Variants in SCAF11 observed in about 807,000 individuals in gnomAD.
SCAF11 encodes the protein SR-related CTD associated factor 11.
A neutral mutation model predicts 140.5 loss-of-function variants in SCAF11; 47 were observed. That is an observed-to-expected ratio of 0.33 (90% CI 0.26 to 0.43). The LOEUF (loss-of-function observed/expected upper bound fraction) is 0.43. Ranked by LOEUF, SCAF11 falls within the 20% of genes least tolerant of loss-of-function variation. SCAF11 has a pLI of 1.00. For missense variants in SCAF11, 1,645 were observed against 1,705.1 expected, an observed-to-expected ratio of 0.96 and a Z score of 0.62; for synonymous variants, 557 against 579.4, an observed-to-expected ratio of 0.96 and a Z score of 0.55.
intron 1 of SCAF11, among the ~76,000 whole-genome samples, chr12:45,972,941 T>G (rs868315376): frequency 5.5e-5 from 6 of 108,574 alleles, no homozygotes; most frequent in African/African-American, 2.1e-4. Flanking sequence ...TATATATAGA[T>G]ATATATATAG....
intron 5 of SCAF11, 94 bp from the exon 6 acceptor site, chr12:45,945,407 C>G: frequency 1.4e-6 from 1 of 717,340 alleles, no homozygotes; most frequent in African/African-American, 1.8e-5. Flanking sequence ...AAAATGAAAT[C>G]TATCATGCAC....
At chr12:45,922,262 T>G (rs935930370) in intron 14 of SCAF11, 68 bp from the exon 15 acceptor site, 1 of 1,524,356 alleles carries the variant, frequency 6.6e-7, no homozygotes, top group Non-Finnish European at 8.8e-7. Flanking sequence ...AATAGAAAGC[T>G]TTGTGAAAAA....
intron 1 of SCAF11, among the ~76,000 whole-genome samples, chr12:45,972,849 T>C (rs1946109127): frequency 7.8e-6 from 1 of 128,510 alleles, no homozygotes; most frequent in Non-Finnish European, 1.6e-5. Flanking sequence ...TTAAAGCCAG[T>C]ATATATATAT....
intron 1 of SCAF11, among the ~76,000 whole-genome samples, chr12:45,986,854 GC>G (rs1946470722): frequency 1.3e-5 from 2 of 151,882 alleles, no homozygotes; most frequent in African/African-American, 4.8e-5. Context: ...TGTAAGAAGT[GC>G]CCTTCTCCTC....
intron 10 of SCAF11, among the ~76,000 whole-genome samples, chr12:45,930,451 T>A (rs998090815): frequency 6.7e-6 from 1 of 148,922 alleles, no homozygotes; most frequent in Admixed American, 6.9e-5. Context: ...TTTTGTTTTT[T>A]TTTTGTTTTT....
At chr12:45,990,718 G>T, upstream of SCAF11, 1 of 607,024 alleles carries the variant, frequency 1.6e-6, no homozygotes. Context: ...GCTCGCTCTG[G>T]CCCTGAGTGC....
In SCAF11 at chr12:45,950,202, A is replaced by G. The variant is rs547698500; in HGVS notation, c.297+1448T>C. ...TAGTGTTTGTAAAATAAGATAATAG[A>G]GGTAAATGTTCTATGGGAACTGAAA... On this transcript the variant is annotated intron_variant, in intron 4 of 14. Coordinates refer to ENST00000369367, the MANE Select transcript of SCAF11 (RefSeq NM_004719.3). Among the ~76,000 whole-genome samples, 4 of 152,248 alleles carry G rather than the reference A, an allele frequency of 2.6e-5. No individual in the cohort carries two copies. The South Asian group carries it at 8.3e-4, about 32-fold the overall frequency.
chr12:45,977,710 A>G (rs912778546), intron 1 of SCAF11, among the ~76,000 whole-genome samples: 4 of 152,140 alleles, frequency 2.6e-5, no homozygotes, highest in African/African-American at 7.2e-5. Context: ...TCCAATTCTT[A>G]TAACTACTGC....
chr12:45,920,247 A>G lies in SCAF11; in HGVS notation c.*1801T>C, dbSNP rs1944675507. ...TATGAACTAGCACAATCATTATGGGACCAACATTTCAAAATATTTTGCCTA... is the reference window on the plus strand; with the variant it reads ...TATGAACTAGCACAATCATTATGGGGCCAACATTTCAAAATATTTTGCCTA... On this transcript the variant is annotated 3_prime_UTR_variant, in exon 15 of 15. Coordinates refer to ENST00000369367, the MANE Select transcript of SCAF11 (RefSeq NM_004719.3). The G allele has an allele frequency of 6.6e-6, 1 of 152,212 alleles. No individual in the cohort carries two copies. The highest frequency in any genetic ancestry group is 1.5e-5 in the Non-Finnish European group (1 of 68,026). 9.4% of individuals were successfully genotyped at this position (152,212 alleles called of 1,614,324 possible). A position where few individuals can be genotyped will look rare whatever the true frequency, so the allele number is the denominator to read the frequency against.
Position 45,919,792 on chromosome 12 carries a change from T to C in SCAF11, c.*2256A>G, listed in dbSNP as rs1013612372. 1.3e-5 allele frequency: 2 copies of C among 152,216 alleles called. No individual in the cohort carries two copies. The highest frequency in any genetic ancestry group is 6.5e-5 in the Admixed American group (1 of 15,278). The allele number at this position is 152,216 out of a possible 1,614,324, so 9.4% of individuals were successfully genotyped here. A position where few individuals can be genotyped will look rare whatever the true frequency, so the allele number is the denominator to read the frequency against. ...ATTCATGGGAGTGCTACTAAAGATA[T>C]ATGAGACTTCAACTCTTGACCACAT... On this transcript the variant is annotated 3_prime_UTR_variant, in exon 15 of 15. Coordinates refer to ENST00000369367, the MANE Select transcript of SCAF11 (RefSeq NM_004719.3).
intron 1 of SCAF11, among the ~76,000 whole-genome samples, chr12:45,970,203 T>C (rs1208126115): frequency 6.6e-6 from 1 of 152,144 alleles, no homozygotes; most frequent in Non-Finnish European, 1.5e-5. Flanking sequence ...CTCAACTAAT[T>C]TTTTTATTTG....
chr12:45,972,934 A>C lies in SCAF11; in HGVS notation c.-21-8746T>G, dbSNP rs1217730339. ...GATATATATATAGATATATAGATAT[A>C]TATAGATATATATATAGATATATAG... On this transcript the variant is annotated intron_variant, in intron 1 of 14. Transcript: ENST00000369367. Among the ~76,000 whole-genome samples, 201 of 54,472 alleles carry C rather than the reference A, an allele frequency of 3.7e-3. 4 individuals carry two copies. Among genetic ancestry groups the C allele is most frequent in the South Asian group, 0.01 (17 of 1,688 alleles). The allele number at this position is 54,472 out of a possible 152,430, so 35.7% of individuals were successfully genotyped here. A position where few individuals can be genotyped will look rare whatever the true frequency, so the allele number is the denominator to read the frequency against.
intron 1 of SCAF11, among the ~76,000 whole-genome samples, chr12:45,986,321 T>G (rs913534205): frequency 9.9e-5 from 15 of 152,224 alleles, no homozygotes; most frequent in Non-Finnish European, 1.3e-4. Context: ...AACCCAGGAA[T>G]GTAATCCAGA....
At chr12:45,937,249 G>A (rs1565667971) in intron 6 of SCAF11, among the ~76,000 whole-genome samples, 1 of 151,778 alleles carries the variant, frequency 6.6e-6, no homozygotes, top group Non-Finnish European at 1.5e-5. Context: ...TGAGACTTAA[G>A]AACTTATCTT....
chr12:45,943,512 C>T (rs1348266833), intron 6 of SCAF11, among the ~76,000 whole-genome samples: 1 of 152,028 alleles, frequency 6.6e-6, no homozygotes, highest in Non-Finnish European at 1.5e-5. Flanking sequence ...ATCTTTCCAC[C>T]ACCTAATTTA....
chr12:45,922,289 A>G (rs779806814), intron 14 of SCAF11, 95 bp from the exon 15 acceptor site: 12 of 1,472,828 alleles, frequency 8.1e-6, no homozygotes, highest in East Asian at 2.4e-5. Context: ...CAAAGAGATA[A>G]CCAGACTTAT....
At chr12:45,944,266 A>G (rs185480584) in intron 6 of SCAF11, among the ~76,000 whole-genome samples, 1 of 152,376 alleles carries the variant, frequency 6.6e-6, no homozygotes, top group East Asian at 1.9e-4. Flanking sequence ...TAAAGCTGAC[A>G]AAAGAAAAAT....
intron 1 of SCAF11, among the ~76,000 whole-genome samples, chr12:45,987,421 C>T (rs1203390784): frequency 2.0e-5 from 3 of 152,186 alleles, no homozygotes; most frequent in East Asian, 1.9e-4. Context: ...CATTAACTTA[C>T]ACTGAAGGCA....
chr12:45,969,455 C>T (rs943651086), intron 1 of SCAF11, among the ~76,000 whole-genome samples: 4 of 152,114 alleles, frequency 2.6e-5, no homozygotes, highest in African/African-American at 9.7e-5. Flanking sequence ...TTCAAGTAAG[C>T]CCATGGTATC....
Sources: allele counts gnomAD v4.1 joint callset (sites outside exome capture counted in the v4.1 genomes callset), GRCh38; gene constraint gnomAD v4.1.1; transcripts MANE v1.5; gene names NCBI Gene and HGNC (gene_info 2026-07-23, HGNC 2026-07-21).